Variants in ARHGAP8 observed in about 807,000 individuals in gnomAD.
The protein encoded by ARHGAP8 is Rho GTPase activating protein 8.
ARHGAP8 carries 62 observed loss-of-function variants against 46.1 expected under a neutral mutation model. The observed-to-expected ratio is 1.34, with a 90% CI of 1.10 to 1.66. ARHGAP8 has a LOEUF of 1.66. Ranked by LOEUF, ARHGAP8 falls within the 40% of genes most tolerant of loss-of-function variation. The probability of loss-of-function intolerance (pLI) is 0.00; values close to 1 mark genes in which losing one functional copy is unlikely to be tolerated. For missense variants in ARHGAP8, 923 were observed against 568.4 expected (o/e 1.62, Z -6.34); for synonymous variants, 375 against 243.1 (o/e 1.54, Z -5.05).
Position 44,801,892 on chromosome 22 carries a change from C to T in ARHGAP8, c.80-185C>T, listed in dbSNP as rs997887947. On this transcript the variant is annotated intron_variant, in intron 2 of 11. Coordinates refer to ENST00000356099, the MANE Select transcript of ARHGAP8 (RefSeq NM_181335.3). ...GCGTACGGCTGGTCATGAAGATGAA[C>T]TTGGACCACGTGCATAAAGCCACAG... The T allele has an allele frequency of 6.4e-6, 4 of 621,090 alleles. No homozygotes were observed. The East Asian group carries it at 1.1e-4, about 17-fold the overall frequency. 38.5% of individuals were successfully genotyped at this position (621,090 alleles called of 1,614,324 possible). A position where few individuals can be genotyped will look rare whatever the true frequency, so the allele number is the denominator to read the frequency against.
At chr22:44,820,750 C>T (rs1362187414) in intron 5 of ARHGAP8, among the ~76,000 whole-genome samples, 1 of 152,180 alleles carries the variant, frequency 6.6e-6, no homozygotes, top group Non-Finnish European at 1.5e-5. Flanking sequence ...CTGGCAATCC[C>T]CGCCCTCCTC....
chr22:44,854,009 A>G (rs1830855533), intron 10 of ARHGAP8, among the ~76,000 whole-genome samples: 2 of 122,920 alleles, frequency 1.6e-5, no homozygotes, highest in Admixed American at 2.1e-4. Context: ...CCTGGGACAC[A>G]GCGAGACTCT....
chr22:44,790,757 G>A (rs1228279155), intron 2 of ARHGAP8, among the ~76,000 whole-genome samples: 7 of 148,454 alleles, frequency 4.7e-5, no homozygotes, highest in African/African-American at 1.7e-4. Context: ...TTTGGAGACG[G>A]AGTCTTGCAC....
chr22:44,826,081 G>A (rs1264357125), intron 7 of ARHGAP8, among the ~76,000 whole-genome samples: 2 of 152,076 alleles, frequency 1.3e-5, no homozygotes, highest in African/African-American at 2.4e-5. Context: ...TTCAAGGAGG[G>A]CGTGGTCATG....
In ARHGAP8 at chr22:44,762,532, T is replaced by G. The variant is rs1448547368; in HGVS notation, c.-72+9905T>G. ...GCATCTTTTGTTACTCATTATGAACTCTCTCTCTCTCTTTTTTTTTTTTTT... is the reference window on the plus strand; with the variant it reads ...GCATCTTTTGTTACTCATTATGAACGCTCTCTCTCTCTTTTTTTTTTTTTT... On this transcript the variant is annotated intron_variant, in intron 1 of 11. Coordinates refer to ENST00000356099, the MANE Select transcript of ARHGAP8 (RefSeq NM_181335.3). 1.4e-4 allele frequency among the ~76,000 whole-genome samples: 20 copies of G among 140,076 alleles called. 1 individual carries two copies. The highest frequency in any genetic ancestry group is 1.2e-3 in the Admixed American group (15 of 12,984). 91.9% of individuals were successfully genotyped at this position (140,076 alleles called of 152,430 possible). A position where few individuals can be genotyped will look rare whatever the true frequency, so the allele number is the denominator to read the frequency against.
intron 10 of ARHGAP8, among the ~76,000 whole-genome samples, chr22:44,851,544 G>A (rs577450823): frequency 6.6e-6 from 1 of 152,298 alleles, no homozygotes; most frequent in South Asian, 2.1e-4. Flanking sequence ...GAAGACCCAG[G>A]CTGGGCATGG....
At chr22:44,756,808 G>A (rs965486657) in intron 1 of ARHGAP8, among the ~76,000 whole-genome samples, 8 of 152,130 alleles carry the variant, frequency 5.3e-5, no homozygotes, top group African/African-American at 1.9e-4. Context: ...AGTGATCAAT[G>A]TGATGTTTTG....
At chr22:44,832,018 C>T (rs997967625) in intron 7 of ARHGAP8, among the ~76,000 whole-genome samples, 25 of 152,084 alleles carry the variant, frequency 1.6e-4, no homozygotes, top group African/African-American at 5.6e-4. Flanking sequence ...TTCAATAGGG[C>T]TTGTCCTGGG....
intron 1 of ARHGAP8, among the ~76,000 whole-genome samples, chr22:44,777,829 G>A (rs1926533598): frequency 6.6e-6 from 1 of 151,954 alleles, no homozygotes. Flanking sequence ...CCAAGTAGCT[G>A]GGATTACAGG....
At chr22:44,756,206 G>GGGTA (rs1375807084) in intron 1 of ARHGAP8, among the ~76,000 whole-genome samples, 6 of 152,062 alleles carry the variant, frequency 3.9e-5, no homozygotes, top group African/African-American at 1.4e-4. Context: ...TGAAACTCCT[G>GGGTA]GGTAGCTCCC....
intron 2 of ARHGAP8, among the ~76,000 whole-genome samples, chr22:44,791,194 G>A (rs1195189475): frequency 6.6e-6 from 1 of 151,408 alleles, no homozygotes; most frequent in Non-Finnish European, 1.5e-5. Context: ...GTTGTTGTGG[G>A]ATTTCAGTGC....
intron 7 of ARHGAP8, among the ~76,000 whole-genome samples, chr22:44,829,542 A>G (rs770330510): frequency 1.3e-5 from 2 of 152,326 alleles, no homozygotes; most frequent in Middle Eastern, 3.4e-3. Context: ...TTGTAACTGT[A>G]AAAGTCCGGT....
intron 2 of ARHGAP8, among the ~76,000 whole-genome samples, chr22:44,793,305 G>A (rs1276465173): frequency 6.6e-6 from 1 of 152,158 alleles, no homozygotes; most frequent in African/African-American, 2.4e-5. Flanking sequence ...AGGACCAGAA[G>A]AGGTAGAGGT....
chr22:44,794,079 GTCAACCCACCCTGACGC>G (rs1391142440), intron 2 of ARHGAP8, among the ~76,000 whole-genome samples: 1 of 152,166 alleles, frequency 6.6e-6, no homozygotes, highest in African/African-American at 2.4e-5. Context: ...AGCTGCTCGC[GTCAACCCACCCTGACGC>G]TCACTTGGCC....
intron 10 of ARHGAP8, among the ~76,000 whole-genome samples, chr22:44,856,502 G>A (rs1413817960): frequency 6.6e-6 from 1 of 152,030 alleles, no homozygotes; most frequent in Admixed American, 6.6e-5. Context: ...TTGAACTCCT[G>A]ATCTCAGGTG....
At chr22:44,763,467 G>T (rs560455882) in intron 1 of ARHGAP8, among the ~76,000 whole-genome samples, 1 of 145,812 alleles carries the variant, frequency 6.9e-6, no homozygotes, top group South Asian at 2.3e-4. Flanking sequence ...ATTCCAGCCC[G>T]GGTGACAAAG....
intron 2 of ARHGAP8, among the ~76,000 whole-genome samples, chr22:44,794,601 C>T (rs1489013601): frequency 1.3e-5 from 2 of 151,874 alleles, no homozygotes; most frequent in South Asian, 2.1e-4. Flanking sequence ...TCCCAGCTAC[C>T]GTGGAGGCTG....
At chr22:44,826,527 C>G (rs1471711467) in intron 7 of ARHGAP8, among the ~76,000 whole-genome samples, 2 of 152,138 alleles carry the variant, frequency 1.3e-5, no homozygotes, top group African/African-American at 4.8e-5. Context: ...TGGGTTCAAG[C>G]TATTCTCCTG....
chr22:44,781,080 C>G (rs952284844), intron 1 of ARHGAP8, among the ~76,000 whole-genome samples: 3 of 152,128 alleles, frequency 2.0e-5, no homozygotes, highest in African/African-American at 7.2e-5. Context: ...TGTGCGCTGC[C>G]GGCGGCTGCC....
Sources: allele counts gnomAD v4.1 joint callset (sites outside exome capture counted in the v4.1 genomes callset), GRCh38; gene constraint gnomAD v4.1.1; transcripts MANE v1.5; gene names NCBI Gene and HGNC (gene_info 2026-07-23, HGNC 2026-07-21).